Variants in ARHGAP23 observed in about 807,000 individuals in gnomAD.
ARHGAP23 encodes rho GTPase-activating protein 23.
Under a neutral mutation model 136.3 loss-of-function variants are expected in ARHGAP23, and 34 were observed. The observed-to-expected ratio is 0.25, with a 90% CI of 0.19 to 0.33. The LOEUF is 0.33. Among genes scored for constraint, ARHGAP23 ranks in the 10% least tolerant of loss-of-function variants. The probability of loss-of-function intolerance (pLI) is 1.00; values close to 1 mark genes in which losing one functional copy is unlikely to be tolerated. For missense variants in ARHGAP23, 1,808 were observed against 2,139.0 expected, an observed-to-expected ratio of 0.85 and a Z score of 3.05; for synonymous variants, 832 against 920.5, an observed-to-expected ratio of 0.90 and a Z score of 1.74.
chr17:38,456,892 T>G (rs1218259176), intron 1 of ARHGAP23, among the ~76,000 whole-genome samples: 1 of 152,162 alleles, frequency 6.6e-6, no homozygotes, highest in African/African-American at 2.4e-5. Flanking sequence ...GACAGGAGGC[T>G]TTAGTGTCTC....
In ARHGAP23 at chr17:38,484,816, C is replaced by T. The variant is rs866814410; in HGVS notation, c.2908-1246C>T. On this transcript the variant is annotated intron_variant, in intron 16 of 23. Coordinates refer to ENST00000622683, the MANE Select transcript of ARHGAP23 (RefSeq NM_001199417.2). ...TATCATTGTGTCATTTGTTGTGGGT[C>T]GTGCTGGGAGTAAGTGTAGTGGGGG... is the stretch of plus-strand genomic sequence containing the variant. Among the ~76,000 whole-genome samples, 22 of 152,064 alleles carry T rather than the reference C, an allele frequency of 1.4e-4. 1 individual carries two copies. The highest frequency in any genetic ancestry group is 3.4e-3 in the Middle Eastern group (1 of 294).
chr17:38,472,957 G>C (rs2039797102), intron 11 of ARHGAP23, among the ~76,000 whole-genome samples: 1 of 152,118 alleles, frequency 6.6e-6, no homozygotes, highest in Non-Finnish European at 1.5e-5. Flanking sequence ...CTTTTTTTGA[G>C]ACGGAGTCTC....
intron 20 of ARHGAP23, among the ~76,000 whole-genome samples, chr17:38,494,460 G>A (rs72823864): frequency 0.23 from 34,935 of 151,780 alleles, 4,906 homozygotes; most frequent in African/African-American, 0.38. Context: ...GTGGTGGTGC[G>A]TGTCTGTGGT....
chr17:38,453,785 G>A (rs1205358629), intron 1 of ARHGAP23: 2 of 145,084 alleles, frequency 1.4e-5, no homozygotes. Context: ...CCCGGGCCCC[G>A]GGCCCGCGGC....
At chr17:38,465,034 G>A (rs1567797001) in intron 6 of ARHGAP23, among the ~76,000 whole-genome samples, 2 of 152,070 alleles carry the variant, frequency 1.3e-5, no homozygotes, top group African/African-American at 4.8e-5. Flanking sequence ...GAGGGCAGAC[G>A]GAGGGGGACC....
intron 1 of ARHGAP23, among the ~76,000 whole-genome samples, chr17:38,446,021 T>C (rs1416040253): frequency 3.4e-4 from 2 of 5,946 alleles, no homozygotes; most frequent in African/African-American, 5.5e-3. Context: ...AATATCTTTC[T>C]TTTTTTTTTT....
Position 38,510,865 on chromosome 17 carries a change from G to A in ARHGAP23, c.4369G>A (p.Ala1457Thr), listed in dbSNP as rs1166120444. The A allele has an allele frequency of 2.0e-6, 3 of 1,500,468 alleles. No homozygotes were observed. The highest frequency in any genetic ancestry group is 1.8e-6 in the Non-Finnish European group (2 of 1,132,044). 92.9% of individuals were successfully genotyped at this position (1,500,468 alleles called of 1,614,324 possible). Residue 1457 changes from alanine to threonine, a missense_variant, in exon 24 of 24, where the codon GCC (alanine) becomes ACC (threonine). This residue lies in a region of ARHGAP23 where 506 missense variants were observed against 455.8 expected (regional missense o/e 1.11). Transcript: ENST00000622683. The surrounding 1 kb of genome is among the most constrained non-coding windows in gnomAD (Gnocchi z 4.6). Reference sequence around the variant, plus strand: ...CAGCCTGGAGTCCACCAAGGCGCGGGCCCCGTCGTCCGCTGCCTCGCAGCC... The same window carrying A: ...CAGCCTGGAGTCCACCAAGGCGCGGACCCCGTCGTCCGCTGCCTCGCAGCC... ...LSSLESTKAR[A>T]PSSAASQPPA...
intron 2 of ARHGAP23, among the ~76,000 whole-genome samples, chr17:38,459,156 AC>A (rs1294214881): frequency 1.3e-5 from 2 of 152,004 alleles, no homozygotes; most frequent in African/African-American, 4.8e-5. Context: ...CCCTCTATCC[AC>A]TTTCCCTAGG....
intron 2 of ARHGAP23, among the ~76,000 whole-genome samples, chr17:38,459,789 C>G (rs1275184502): frequency 6.6e-6 from 1 of 152,206 alleles, no homozygotes; most frequent in Non-Finnish European, 1.5e-5. Flanking sequence ...CTCAGCCGTC[C>G]AAATGCATCT....
chr17:38,428,712 C>T (rs1374970276), intron 1 of ARHGAP23, among the ~76,000 whole-genome samples, 164 bp downstream of exon 1: 1 of 151,920 alleles, frequency 6.6e-6, no homozygotes, highest in Non-Finnish European at 1.5e-5. Flanking sequence ...GTGGCAGGCC[C>T]GGGAGGGGGC....
At chr17:38,494,362 G>A (rs2040343299) in intron 20 of ARHGAP23, among the ~76,000 whole-genome samples, 1 of 152,268 alleles carries the variant, frequency 6.6e-6, no homozygotes, top group Middle Eastern at 3.4e-3. Context: ...TCTTCGTCGT[G>A]GTCATTATTC....
Position 38,509,898 on chromosome 17 carries a change from G to A in ARHGAP23, c.3448-46G>A, listed in dbSNP as rs1384946282. ...ACCGGGTAGAGCGGGGTCGGCAGGG[G>A]GCCGAGTCCGGGCGCCCCCCGCATC... On this transcript the variant is annotated intron_variant, in intron 23 of 23. Coordinates refer to ENST00000622683, the MANE Select transcript of ARHGAP23 (RefSeq NM_001199417.2). The A allele has an allele frequency of 6.5e-6, 8 of 1,234,082 alleles. No homozygotes were observed. In the East Asian group the frequency reaches 1.9e-4, roughly 29 times the overall value. 76.4% of individuals were successfully genotyped at this position (1,234,082 alleles called of 1,614,324 possible).
intron 1 of ARHGAP23, among the ~76,000 whole-genome samples, chr17:38,452,971 C>T (rs1313672903): frequency 6.6e-6 from 1 of 152,312 alleles, no homozygotes; most frequent in Non-Finnish European, 1.5e-5. Context: ...ACTCCATCTG[C>T]GCTTAAGAGT....
In ARHGAP23 at chr17:38,466,444, C is replaced by G; in HGVS notation, c.761C>G (p.Pro254Arg). The change falls in exon 7 of 24, where the codon CCT becomes CGT. Residue 254 changes from proline to arginine, a missense_variant. Coordinates refer to ENST00000622683, the MANE Select transcript of ARHGAP23 (RefSeq NM_001199417.2). Reference sequence around the variant, plus strand: ...GGGATGAGCCAGCCCCGCCCCAGCCCTGGTGCCTTCCCCCACCTCTCCTCG... The same window carrying G: ...GGGATGAGCCAGCCCCGCCCCAGCCGTGGTGCCTTCCCCCACCTCTCCTCG... ...SLGMSQPRPS[P>R]GAFPHLSSEP... 6.6e-7 allele frequency: 1 copy of G among 1,525,998 alleles called. No individual in the cohort carries two copies. Among genetic ancestry groups the G allele is most frequent in the East Asian group, 2.5e-5 (1 of 40,682 alleles). 94.5% of individuals were successfully genotyped at this position (1,525,998 alleles called of 1,614,324 possible). A position where few individuals can be genotyped will look rare whatever the true frequency, so the allele number is the denominator to read the frequency against.
Position 38,469,219 on chromosome 17 carries a change from A to G in ARHGAP23, c.1724A>G (p.Asn575Ser). Reference protein sequence around the residue: ...PASAVVSSAMNSAPVLGTSPS... With the variant: ...PASAVVSSAMSSAPVLGTSPS... Reference sequence around the variant, plus strand: ...TCTGCTGTGGTCTCCAGTGCCATGAACTCAGCCCCTGTCCTGGGCACCAGC... The same window carrying G: ...TCTGCTGTGGTCTCCAGTGCCATGAGCTCAGCCCCTGTCCTGGGCACCAGC... Residue 575 changes from asparagine (N) to serine (S), a missense_variant, in exon 8 of 24, where the codon AAC becomes AGC. Around this residue, in one of 7 missense-constraint regions of ARHGAP23, gnomAD observed 859 missense variants for 936.4 expected, o/e 0.92. Transcript: ENST00000622683. 3 of 1,551,326 alleles carry G rather than the reference A, an allele frequency of 1.9e-6. No homozygotes were observed. The highest frequency in any genetic ancestry group is 8.7e-7 in the Non-Finnish European group (1 of 1,146,758).
chr17:38,497,834 A>G lies in ARHGAP23; in HGVS notation c.3318+8A>G. On this transcript the variant is annotated splice_region_variant and intron_variant, in intron 21 of 23. Coordinates refer to ENST00000622683, the MANE Select transcript of ARHGAP23 (RefSeq NM_001199417.2). ...GAGGACAAGGGAGAGAGAGTAAGTG[A>G]TGCCGCGGGCTGGGCTGGCATGGGG... 1 of 1,551,192 alleles carries G rather than the reference A, an allele frequency of 6.4e-7. No individual in the cohort carries two copies. Among genetic ancestry groups the G allele is most frequent in the Non-Finnish European group, 8.7e-7 (1 of 1,146,834 alleles).
chr17:38,495,032 C>T (rs114264648), intron 20 of ARHGAP23, among the ~76,000 whole-genome samples: 3,239 of 152,240 alleles, frequency 0.021, 122 homozygotes, highest in African/African-American at 0.073. Context: ...TAGCTGACAT[C>T]TATTATACAT....
chr17:38,442,893 G>T (rs1213067600), intron 1 of ARHGAP23, among the ~76,000 whole-genome samples: 1 of 152,184 alleles, frequency 6.6e-6, no homozygotes, highest in Non-Finnish European at 1.5e-5. Flanking sequence ...CTTGGAGCAG[G>T]GCAATGGTGT....
chr17:38,509,958 CAAG>C lies in ARHGAP23; in HGVS notation c.3466_3468del (p.Lys1156del), dbSNP rs2040717831. The C allele has an allele frequency of 8.0e-7, 1 of 1,250,714 alleles. No homozygotes were observed. Among genetic ancestry groups the C allele is most frequent in the South Asian group, 3.9e-5 (1 of 25,586 alleles). The allele number at this position is 1,250,714 out of a possible 1,614,324, so 77.5% of individuals were successfully genotyped here. A position where few individuals can be genotyped will look rare whatever the true frequency, so the allele number is the denominator to read the frequency against. On this transcript the variant is annotated inframe_deletion, in exon 24 of 24. Coordinates refer to ENST00000622683, the MANE Select transcript of ARHGAP23 (RefSeq NM_001199417.2). The stretch of plus-strand genomic sequence containing the variant: ...CTCCCACACAGGGTTCGTGGGCCCC[CAAG>C]AAGGAGCCGTACGCCCGGGAGATGC...
Sources: allele counts gnomAD v4.1 joint callset (sites outside exome capture counted in the v4.1 genomes callset), GRCh38; gene constraint gnomAD v4.1.1; regional missense constraint gnomAD v4.1.1; non-coding constraint Gnocchi (gnomAD v3.1); transcripts MANE v1.5; gene names NCBI Gene and HGNC (gene_info 2026-07-23, HGNC 2026-07-21).